LEF1: variants seen among roughly 807,000 people sequenced by gnomAD.
LEF1 encodes the protein lymphoid enhancer binding factor 1.
A neutral mutation model predicts 51.2 loss-of-function variants in LEF1; 14 were observed. The ratio of observed to expected loss-of-function variants is 0.27; its 90% CI spans 0.18 to 0.43. The LOEUF is 0.43. Among genes scored for constraint, LEF1 ranks in the 20% least tolerant of loss-of-function variants. The pLI, the probability that LEF1 is intolerant of heterozygous loss-of-function variation, is 1.00. For synonymous variants in LEF1, 185 were observed against 183.2 expected, an observed-to-expected ratio of 1.01 and a Z score of -0.08; for missense variants, 386 against 512.0, an observed-to-expected ratio of 0.75 and a Z score of 2.37.
chr4:108,049,140 T>C (rs1365077198), intron 11 of LEF1, among the ~76,000 whole-genome samples: 1 of 152,204 alleles, frequency 6.6e-6, no homozygotes, highest in African/African-American at 2.4e-5. Context: ...TTGGTGTTTT[T>C]GGTCCACTGT....
intron 3 of LEF1, among the ~76,000 whole-genome samples, chr4:108,114,339 GT>G (rs1741709758): frequency 6.6e-6 from 1 of 152,166 alleles, no homozygotes; most frequent in Non-Finnish European, 1.5e-5. Flanking sequence ...ACGATAAAGG[GT>G]TTGTAAAAGC....
intron 3 of LEF1, among the ~76,000 whole-genome samples, chr4:108,154,800 G>C (rs968669330): frequency 6.6e-5 from 10 of 152,066 alleles, no homozygotes; most frequent in African/African-American, 2.2e-4. Flanking sequence ...ACCATTTATA[G>C]TGTTCAAAAT....
At chr4:108,076,691 T>A (rs1298412557) in intron 8 of LEF1, among the ~76,000 whole-genome samples, 2 of 152,162 alleles carry the variant, frequency 1.3e-5, no homozygotes, top group African/African-American at 4.8e-5. Context: ...GCATCTACTT[T>A]ATTCAGCAAT....
rs75443278 is a variant in LEF1 at position 108,060,334 on chromosome 4, G to T, written c.*6+3289C>A. 1.6e-3 allele frequency among the ~76,000 whole-genome samples: 241 copies of T among 152,288 alleles called. 6 individuals carry two copies. In the East Asian group the frequency reaches 0.043, roughly 27 times the overall value. On this transcript the variant is annotated intron_variant, in intron 11 of 11. Transcript: ENST00000265165. ...CTGAGTCCCTATAATAACACTGGGA[G>T]GCAGTGCAGACCACACAAAAGCAAA...
intron 9 of LEF1, among the ~76,000 whole-genome samples, chr4:108,064,803 G>A (rs545035806): frequency 6.6e-6 from 1 of 152,036 alleles, no homozygotes; most frequent in South Asian, 2.1e-4. Flanking sequence ...CCTCTTCAAG[G>A]AAAGCCAGCT....
chr4:108,102,791 T>C (rs1740914016), intron 3 of LEF1, among the ~76,000 whole-genome samples: 1 of 152,206 alleles, frequency 6.6e-6, no homozygotes, highest in Non-Finnish European at 1.5e-5. Context: ...CAGTGTGGTA[T>C]AGCTATGAAT....
chr4:108,119,787 T>TTA (rs1271629753), intron 3 of LEF1, among the ~76,000 whole-genome samples: 1 of 152,168 alleles, frequency 6.6e-6, no homozygotes, highest in African/African-American at 2.4e-5. Context: ...CAGCATCCAT[T>TTA]TATAATCTTG....
intron 3 of LEF1, among the ~76,000 whole-genome samples, chr4:108,162,664 T>C (rs936436774): frequency 2.0e-5 from 3 of 151,978 alleles, no homozygotes; most frequent in African/African-American, 7.2e-5. Flanking sequence ...CCGAGACCCA[T>C]AGACATGTGT....
chr4:108,078,379 C>T lies in LEF1; in HGVS notation c.849G>A (p.Lys283=). The change falls in exon 8 of 12, where the codon AAG becomes AAA. Residue 283 remains lysine, a synonymous_variant. Coordinates refer to ENST00000265165, the MANE Select transcript of LEF1 (RefSeq NM_016269.5). The part of the protein sequence containing the change: ...PHTDSDLMHV[K]PQHEQRKEQE... ...GCTCCTTTCTCTGTTCATGCTGAGG[C>T]TTCCTAAAAGGTGGTGGTGGTGGTG... is the stretch of plus-strand genomic sequence containing the variant. The T allele has an allele frequency of 1.2e-6, 2 of 1,614,036 alleles. No homozygotes were observed. The highest frequency in any genetic ancestry group is 2.7e-5 in the African/African-American group (2 of 74,968).
At chr4:108,064,034 A>C (rs1325609247) in intron 10 of LEF1, among the ~76,000 whole-genome samples, 1 of 152,230 alleles carries the variant, frequency 6.6e-6, no homozygotes, top group Non-Finnish European at 1.5e-5. Flanking sequence ...AAGAGTGTTA[A>C]AGCAAAGTAA....
At chr4:108,088,006 C>G (rs1739761534) in intron 4 of LEF1, among the ~76,000 whole-genome samples, 1 of 152,210 alleles carries the variant, frequency 6.6e-6, no homozygotes, top group South Asian at 2.1e-4. Flanking sequence ...AAAAATAAAA[C>G]AGAAGCAAAC....
intron 3 of LEF1, among the ~76,000 whole-genome samples, chr4:108,105,917 C>T (rs1287507858): frequency 2.0e-5 from 3 of 152,160 alleles, no homozygotes; most frequent in Non-Finnish European, 4.4e-5. Flanking sequence ...GCTGAAGGAG[C>T]CTAAGCGTTC....
At chr4:108,055,201 AG>A (rs1234651000) in intron 11 of LEF1, among the ~76,000 whole-genome samples, 3 of 152,226 alleles carry the variant, frequency 2.0e-5, no homozygotes, top group African/African-American at 7.2e-5. Context: ...AAATCCACAC[AG>A]ATCAGAAGAA....
intron 3 of LEF1, among the ~76,000 whole-genome samples, chr4:108,114,984 G>C (rs1051280145): frequency 6.6e-6 from 1 of 152,208 alleles, no homozygotes; most frequent in Non-Finnish European, 1.5e-5. Flanking sequence ...GATGGGACAG[G>C]AGGAGACGAG....
intron 3 of LEF1, among the ~76,000 whole-genome samples, chr4:108,136,707 C>A (rs1337360416): frequency 2.6e-5 from 4 of 151,960 alleles, no homozygotes; most frequent in Non-Finnish European, 5.9e-5. Context: ...GGGTCATTTG[C>A]CCTTCAGTAA....
At chr4:108,081,550 T>A in intron 6 of LEF1, 36 bp downstream of exon 6, 1 of 1,554,744 alleles carries the variant, frequency 6.4e-7, no homozygotes. Flanking sequence ...GAAGAGCAAC[T>A]TGTCCTCGAG....
At chr4:108,051,260 TAAAA>T (rs879760862) in intron 11 of LEF1, among the ~76,000 whole-genome samples, 2 of 144,874 alleles carry the variant, frequency 1.4e-5, no homozygotes, top group Non-Finnish European at 3.0e-5. Flanking sequence ...GACTAGTGCT[TAAAA>T]AAAAAAAAGA....
intron 3 of LEF1, among the ~76,000 whole-genome samples, chr4:108,147,121 C>CGGGA (rs774399651): frequency 5.9e-5 from 9 of 151,798 alleles, no homozygotes; most frequent in Non-Finnish European, 8.8e-5. Context: ...GAGAGAGGCC[C>CGGGA]GGGAGGGAGG....
intron 3 of LEF1, among the ~76,000 whole-genome samples, chr4:108,142,108 A>G (rs781188346): frequency 1.4e-4 from 22 of 152,196 alleles, no homozygotes; most frequent in South Asian, 4.1e-4. Flanking sequence ...AGTGATTCCA[A>G]TTGGGAAAGG....
Sources: gnomAD v4.1 joint callset for allele counts (sites outside exome capture counted in the v4.1 genomes callset) on GRCh38, gnomAD v4.1.1 for gene constraint, MANE v1.5 for transcripts, NCBI Gene and HGNC (gene_info 2026-07-23, HGNC 2026-07-21) for gene names.